Variants in NRF1 observed in about 807,000 individuals in gnomAD.
NRF1 encodes the protein nuclear respiratory factor 1, also known as alpha palindromic-binding protein.
In NRF1, 5 loss-of-function variants were observed where a neutral mutation model predicts 58.5. That is an observed-to-expected ratio of 0.09 (90% CI 0.04 to 0.18). NRF1 has a LOEUF of 0.18. Among genes scored for constraint, NRF1 ranks in the 10% least tolerant of loss-of-function variants. The pLI, the probability that NRF1 is intolerant of heterozygous loss-of-function variation, is 1.00. For missense variants in NRF1, 288 were observed against 657.7 expected (o/e 0.44, Z 6.15); for synonymous variants, 224 against 246.7 (o/e 0.91, Z 0.86).
intron 3 of NRF1, among the ~76,000 whole-genome samples, chr7:129,673,921 C>A (rs1316687969): frequency 6.6e-6 from 1 of 152,002 alleles, no homozygotes; most frequent in Non-Finnish European, 1.5e-5. Context: ...GGGCGGATCA[C>A]CTGAGGTCGG....
chr7:129,723,658 G>A (rs1562983846), intron 9 of NRF1, among the ~76,000 whole-genome samples: 1 of 152,186 alleles, frequency 6.6e-6, no homozygotes, highest in Non-Finnish European at 1.5e-5. Flanking sequence ...GTCTCCTGTT[G>A]AAAAGACAGT....
At chr7:129,734,774 G>C (rs187417584) in intron 10 of NRF1, among the ~76,000 whole-genome samples, 1 of 152,182 alleles carries the variant, frequency 6.6e-6, no homozygotes, top group Non-Finnish European at 1.5e-5. Context: ...GGTGGGCTAC[G>C]GGTGCTATTT....
At chr7:129,754,294 C>CA (rs570036468) in intron 10 of NRF1, among the ~76,000 whole-genome samples, 7,593 of 137,060 alleles carry the variant, frequency 0.055, 232 homozygotes, top group Middle Eastern at 0.15. Context: ...GACTCCATCT[C>CA]AAAAAAAAAA....
chr7:129,716,388 G>A (rs1803189699), intron 8 of NRF1, among the ~76,000 whole-genome samples: 1 of 152,054 alleles, frequency 6.6e-6, no homozygotes, highest in South Asian at 2.1e-4. Flanking sequence ...CTTTGATACA[G>A]TTTGAAATTT....
chr7:129,689,727 A>G (rs1162345506), intron 4 of NRF1, among the ~76,000 whole-genome samples: 1 of 152,252 alleles, frequency 6.6e-6, no homozygotes, highest in Non-Finnish European at 1.5e-5. Context: ...AACCTGGGCT[A>G]GAGCTAAAGG....
At chr7:129,706,498 A>G (rs2116180468) in intron 5 of NRF1, among the ~76,000 whole-genome samples, 1 of 152,334 alleles carries the variant, frequency 6.6e-6, no homozygotes, top group South Asian at 2.1e-4. Flanking sequence ...TGACTAGGTA[A>G]GTGTTGAAGG....
At chr7:129,630,568 A>G (rs1337497283) in intron 1 of NRF1, among the ~76,000 whole-genome samples, 1 of 152,220 alleles carries the variant, frequency 6.6e-6, no homozygotes, top group Non-Finnish European at 1.5e-5. Context: ...TAGTGAGTTA[A>G]GAAATACATT....
rs1489137187 is a variant in NRF1, at chr7:129,757,016, T to C, written c.*1835T>C. On this transcript the variant is annotated 3_prime_UTR_variant, in exon 11 of 11. Coordinates refer to ENST00000393232, the MANE Select transcript of NRF1 (RefSeq NM_005011.5). The stretch of plus-strand genomic sequence containing the variant: ...AACCCCAGTAGCAGAGCATGGATTC[T>C]GTGTTGTTTCCCATTCTGTCTTTGA... The C allele has an allele frequency of 6.5e-6, 1 of 152,754 alleles. No individual in the cohort carries two copies. Among genetic ancestry groups the C allele is most frequent in the African/African-American group, 2.4e-5 (1 of 41,572 alleles). 9.5% of individuals were successfully genotyped at this position (152,754 alleles called of 1,614,324 possible).
Position 129,677,749 on chromosome 7 carries a change from G to A in NRF1, c.456G>A (p.Leu152=). The A allele has an allele frequency of 6.2e-7, 1 of 1,613,682 alleles. No individual in the cohort carries two copies. The highest frequency in any genetic ancestry group is 8.5e-7 in the Non-Finnish European group (1 of 1,179,906). ...PVFKVFGAAP[L]ENVVRKYKSM... The stretch of plus-strand genomic sequence containing the variant: ...TTAAAGTGTTTGGTGCAGCACCTTT[G>A]GAGAATGTGGTAAGTCAGAACCAAG... Residue 152 remains leucine, a synonymous_variant, in exon 4 of 11, where the codon TTG becomes TTA. Transcript: ENST00000393232.
intron 1 of NRF1, among the ~76,000 whole-genome samples, chr7:129,628,236 G>A (rs1169840531): frequency 1.3e-5 from 2 of 150,308 alleles, no homozygotes; most frequent in Non-Finnish European, 3.0e-5. Flanking sequence ...AGTAGAGATG[G>A]GGTTTCACCG....
At chr7:129,650,487 T>TA (rs1166862370) in intron 1 of NRF1, among the ~76,000 whole-genome samples, 1 of 152,198 alleles carries the variant, frequency 6.6e-6, no homozygotes, top group Non-Finnish European at 1.5e-5. Context: ...TTCAGTCTCT[T>TA]ACACAGTTAA....
At chr7:129,638,254 A>G (rs944518205) in intron 1 of NRF1, among the ~76,000 whole-genome samples, 4 of 152,158 alleles carry the variant, frequency 2.6e-5, no homozygotes, top group African/African-American at 9.7e-5. Context: ...TTCAGACAAT[A>G]GCTCTAATTT....
At chr7:129,671,976 A>T (rs1439661736) in intron 3 of NRF1, among the ~76,000 whole-genome samples, 1 of 152,156 alleles carries the variant, frequency 6.6e-6, no homozygotes, top group East Asian at 1.9e-4. Context: ...TTTCTCTATT[A>T]CGGGGATGGT....
At chr7:129,672,123 G>A (rs906588791) in intron 3 of NRF1, among the ~76,000 whole-genome samples, 7 of 151,686 alleles carry the variant, frequency 4.6e-5, no homozygotes, top group Non-Finnish European at 1.0e-4. Context: ...GTGTGAATGT[G>A]GTAGTTGTGT....
At chr7:129,672,464 A>G (rs932602649) in intron 3 of NRF1, among the ~76,000 whole-genome samples, 3 of 152,112 alleles carry the variant, frequency 2.0e-5, no homozygotes, top group Admixed American at 2.0e-4. Context: ...CACTCAGGCT[A>G]CTGTGTTGAG....
At chr7:129,713,406 C>A (rs1803121243) in intron 8 of NRF1, among the ~76,000 whole-genome samples, 1 of 152,078 alleles carries the variant, frequency 6.6e-6, no homozygotes, top group South Asian at 2.1e-4. Context: ...AGCCAAAGTG[C>A]AAAAACATTA....
intron 10 of NRF1, among the ~76,000 whole-genome samples, chr7:129,736,983 G>A (rs910186041): frequency 6.6e-6 from 1 of 152,224 alleles, no homozygotes; most frequent in African/African-American, 2.4e-5. Context: ...TACTCAGAAG[G>A]AAGTTGTGAG....
intron 1 of NRF1, among the ~76,000 whole-genome samples, chr7:129,651,362 G>A (rs2151072717): frequency 6.7e-6 from 1 of 150,362 alleles, no homozygotes; most frequent in East Asian, 2.0e-4. Flanking sequence ...AGAGGTTGCT[G>A]TGAGCCAAGA....
At chr7:129,667,702 T>C (rs1027450383) in intron 2 of NRF1, among the ~76,000 whole-genome samples, 2 of 151,516 alleles carry the variant, frequency 1.3e-5, no homozygotes, top group African/African-American at 4.8e-5. Context: ...TAGTAGTTTA[T>C]TGTAGAAGTT....
Sources: gnomAD v4.1 joint callset for allele counts (sites outside exome capture counted in the v4.1 genomes callset) on GRCh38, gnomAD v4.1.1 for gene constraint, MANE v1.5 for transcripts, NCBI Gene and HGNC (gene_info 2026-07-23, HGNC 2026-07-21) for gene names.